The following KATNAL2 variants were observed in gnomAD, a reference collection of about 807,000 sequenced individuals.
KATNAL2 encodes katanin p60 ATPase-containing subunit A-like 2.
KATNAL2 carries 52 observed loss-of-function variants against 76.3 expected under a neutral mutation model. That is an observed-to-expected ratio of 0.68 (90% confidence interval 0.55 to 0.86). The LOEUF (loss-of-function observed/expected upper bound fraction) is 0.86, where lower values mean the gene tolerates loss of function less well. Among genes scored for constraint, KATNAL2 ranks in the 40% least tolerant of loss-of-function variants. The pLI is 0.00. For missense variants in KATNAL2, 660 were observed against 668.9 expected (o/e 0.99, Z 0.15); for synonymous variants, 243 against 244.2 (o/e 1.00, Z 0.05).
At chr18:47,047,659 T>A (rs947829118) in intron 4 of KATNAL2, among the ~76,000 whole-genome samples, 7 of 152,210 alleles carry the variant, frequency 4.6e-5, no homozygotes, top group African/African-American at 1.4e-4. Context: ...TTATATTCGC[T>A]TTTCTTTTCA....
In KATNAL2 at chr18:47,100,996, G is replaced by A. The variant is rs767030539; in HGVS notation, c.1608G>A (p.Glu536=). 13 of 1,613,938 alleles carry A rather than the reference G, an allele frequency of 8.1e-6. No homozygotes were observed. The East Asian group carries it at 2.5e-4, about 30-fold the overall frequency. ...QRYSDWQREF[E]SV is the part of the protein sequence containing the mutation. ...ACTCAGACTGGCAAAGAGAGTTCGAGTCTGTCTGAAACCACATTTACCCTG... is the reference window on the plus strand; with the variant it reads ...ACTCAGACTGGCAAAGAGAGTTCGAATCTGTCTGAAACCACATTTACCCTG... The change falls in exon 18 of 18, where the codon GAG becomes GAA. Residue 536 remains glutamate (E), a synonymous_variant. Coordinates refer to ENST00000683218, the MANE Select transcript of KATNAL2 (RefSeq NM_001387690.1).
chr18:46,948,355 T>TC (rs1289489533), intron 3 of KATNAL2, among the ~76,000 whole-genome samples: 2 of 150,980 alleles, frequency 1.3e-5, no homozygotes, highest in Non-Finnish European at 2.9e-5. Flanking sequence ...CAGGCAATCT[T>TC]CCCCCCTCAG....
At chr18:46,931,405 A>G (rs1717900596) in intron 1 of KATNAL2, among the ~76,000 whole-genome samples, 1 of 152,094 alleles carries the variant, frequency 6.6e-6, no homozygotes, top group Non-Finnish European at 1.5e-5. Context: ...TAATCCTAGC[A>G]CTTTGGGAGG....
chr18:46,965,932 G>A (rs2060116877), intron 3 of KATNAL2, among the ~76,000 whole-genome samples: 1 of 149,408 alleles, frequency 6.7e-6, no homozygotes, highest in South Asian at 2.1e-4. Context: ...TGCTGTCGGC[G>A]GCGATTTCGC....
chr18:46,917,660 G>C lies in KATNAL2; in HGVS notation c.-776G>C. On this transcript the variant is annotated 5_prime_UTR_variant, in exon 1 of 18. Transcript: ENST00000683218. The stretch of plus-strand genomic sequence containing the variant: ...CCCCGGCGTGCTGCCCCGCGGCTTG[G>C]CCCCGCTCGGCCCCAGGTCGTGCCT... 1 of 639,334 alleles carries C rather than the reference G, an allele frequency of 1.6e-6. No individual in the cohort carries two copies. The highest frequency in any genetic ancestry group is 2.0e-6 in the Non-Finnish European group (1 of 511,864). 39.6% of individuals were successfully genotyped at this position (639,334 alleles called of 1,614,324 possible).
At chr18:47,034,048 G>T (rs753035971) in intron 3 of KATNAL2, 28 of 1,614,090 alleles carry the variant, frequency 1.7e-5, no homozygotes, top group African/African-American at 2.7e-5. Context: ...ATCTCCAAGT[G>T]CAGTGGTGGC....
At chr18:47,032,994 G>C (rs767813545) in intron 3 of KATNAL2, 1 of 1,614,076 alleles carries the variant, frequency 6.2e-7, no homozygotes, top group South Asian at 1.1e-5. Flanking sequence ...TGCAAGGCAA[G>C]TCCTGAGTTT....
chr18:46,955,415 G>A (rs1184761779), intron 3 of KATNAL2, among the ~76,000 whole-genome samples: 1 of 151,282 alleles, frequency 6.6e-6, no homozygotes, highest in African/African-American at 2.4e-5. Flanking sequence ...GTAGAGACGG[G>A]GTTTCTTCTT....
chr18:46,947,843 C>T (rs1555831702), intron 3 of KATNAL2, among the ~76,000 whole-genome samples: 1 of 152,166 alleles, frequency 6.6e-6, no homozygotes, highest in Non-Finnish European at 1.5e-5. Flanking sequence ...TTCTCTCCAT[C>T]TTCTAGAAAA....
chr18:47,101,008 C>A lies in KATNAL2; in HGVS notation c.*3C>A. Reference sequence around the variant, plus strand: ...AAAGAGAGTTCGAGTCTGTCTGAAACCACATTTACCCTGACCTGGCCACAA... The same window carrying A: ...AAAGAGAGTTCGAGTCTGTCTGAAAACACATTTACCCTGACCTGGCCACAA... On this transcript the variant is annotated 3_prime_UTR_variant, in exon 18 of 18. Coordinates refer to ENST00000683218, the MANE Select transcript of KATNAL2 (RefSeq NM_001387690.1). The A allele has an allele frequency of 6.2e-7, 1 of 1,613,922 alleles. No homozygotes were observed. Among genetic ancestry groups the A allele is most frequent in the Non-Finnish European group, 8.5e-7 (1 of 1,179,956 alleles).
chr18:47,058,963 T>C (rs776963589), intron 7 of KATNAL2, among the ~76,000 whole-genome samples: 1 of 152,126 alleles, frequency 6.6e-6, no homozygotes, highest in Non-Finnish European at 1.5e-5. Flanking sequence ...AGAACCTTCT[T>C]AGTTAGGACT....
In KATNAL2 at chr18:47,063,037, C is replaced by T; in HGVS notation, c.615C>T (p.Ala205=). Residue 205 remains alanine (A), a synonymous_variant, in exon 9 of 18, where the codon GCC becomes GCT. Transcript: ENST00000683218. The part of the protein sequence containing the change: ...DAIKGATSEL[A]LNTFDHNPDP... ...TCAAGGGAGCAACCAGTGAACTTGC[C>T]TTGAACACCTTCGACCATAATCCAG... The T allele has an allele frequency of 6.2e-7, 1 of 1,614,158 alleles. No homozygotes were observed. Among genetic ancestry groups the T allele is most frequent in the Non-Finnish European group, 8.5e-7 (1 of 1,180,018 alleles).
chr18:47,044,658 G>T (rs2061089571), intron 3 of KATNAL2, among the ~76,000 whole-genome samples: 1 of 152,126 alleles, frequency 6.6e-6, no homozygotes, highest in Middle Eastern at 3.4e-3. Context: ...CTACTCAGGA[G>T]GCTGAGGCAG....
At chr18:47,035,869 T>C (rs745642124) in intron 3 of KATNAL2, among the ~76,000 whole-genome samples, 1 of 152,282 alleles carries the variant, frequency 6.6e-6, no homozygotes, top group African/African-American at 2.4e-5. Flanking sequence ...GACAAAATCA[T>C]AGAAAGAAGA....
At chr18:46,920,571 A>G (rs892628846) in intron 1 of KATNAL2, among the ~76,000 whole-genome samples, 1 of 152,206 alleles carries the variant, frequency 6.6e-6, no homozygotes, top group African/African-American at 2.4e-5. Flanking sequence ...ATTAGTTGCA[A>G]TAGAAAGAAT....
intron 3 of KATNAL2, among the ~76,000 whole-genome samples, chr18:47,037,605 G>A (rs1339332693): frequency 6.6e-5 from 10 of 152,238 alleles, no homozygotes; most frequent in Non-Finnish European, 1.5e-5. Context: ...TGTAGATCTG[G>A]CCAACTTTAT....
intron 13 of KATNAL2, among the ~76,000 whole-genome samples, chr18:47,072,245 C>T (rs556427815): frequency 4.6e-5 from 7 of 151,966 alleles, no homozygotes; most frequent in African/African-American, 7.2e-5. Context: ...CATGAGCCAC[C>T]GTGCCCAGCC....
intron 4 of KATNAL2, among the ~76,000 whole-genome samples, chr18:47,049,579 T>G (rs1332060766): frequency 2.6e-5 from 4 of 152,224 alleles, no homozygotes; most frequent in Non-Finnish European, 5.9e-5. Context: ...AGATATTGGG[T>G]TAAATTAAAC....
chr18:47,034,206 A>T, intron 3 of KATNAL2: 1 of 1,613,816 alleles, frequency 6.2e-7, no homozygotes, highest in Non-Finnish European at 8.5e-7. Context: ...CCAAATGAGC[A>T]GTCGGTGGCT....
Sources: gnomAD v4.1 joint callset for allele counts (sites outside exome capture counted in the v4.1 genomes callset) on GRCh38, gnomAD v4.1.1 for gene constraint, MANE v1.5 for transcripts, NCBI Gene and HGNC (gene_info 2026-07-23, HGNC 2026-07-21) for gene names.